Variants in TDRD12 observed in about 807,000 individuals in gnomAD.
TDRD12 encodes tudor domain containing 12.
Under a neutral mutation model 133.5 loss-of-function variants are expected in TDRD12, and 158 were observed. That is an observed-to-expected ratio of 1.18 (90% CI 1.04 to 1.35). The LOEUF (loss-of-function observed/expected upper bound fraction) is 1.35. TDRD12 is among the 40% of genes most tolerant of loss of function. The probability of loss-of-function intolerance (pLI) is 0.00; values close to 1 mark genes in which losing one functional copy is unlikely to be tolerated. For synonymous variants in TDRD12, 460 were observed against 477.9 expected, an observed-to-expected ratio of 0.96 and a Z score of 0.49; for missense variants, 1,443 against 1,321.3, an observed-to-expected ratio of 1.09 and a Z score of -1.43.
chr19:32,766,302 T>A (rs1362498692), intron 8 of TDRD12, among the ~76,000 whole-genome samples: 1 of 152,186 alleles, frequency 6.6e-6, no homozygotes, highest in East Asian at 1.9e-4. Flanking sequence ...GATACAGATA[T>A]GCAATGTGAA....
chr19:32,757,756 T>G (rs1290147860), intron 8 of TDRD12, among the ~76,000 whole-genome samples: 1 of 152,188 alleles, frequency 6.6e-6, no homozygotes, highest in Non-Finnish European at 1.5e-5. Flanking sequence ...TGCTGTACTT[T>G]GTTTCCCTTA....
chr19:32,765,237 T>C (rs1263956548), intron 8 of TDRD12, among the ~76,000 whole-genome samples: 3 of 151,994 alleles, frequency 2.0e-5, no homozygotes, highest in East Asian at 1.9e-4. Context: ...AGTCAGGAAA[T>C]AACAGGTGCT....
chr19:32,805,572 G>T (rs985231219), intron 21 of TDRD12, among the ~76,000 whole-genome samples: 1 of 151,908 alleles, frequency 6.6e-6, no homozygotes, highest in Non-Finnish European at 1.5e-5. Flanking sequence ...ACTCTATTCT[G>T]TTACTTTGGC....
chr19:32,773,494 C>A (rs1334171759), exon 10 of TDRD12: 14 of 1,551,660 alleles, frequency 9.0e-6, no homozygotes, highest in Non-Finnish European at 1.2e-5. Context: ...CAAAAAGAGG[C>A]ATAACCATAT....
chr19:32,728,056 G>T (rs1968915825), intron 1 of TDRD12, among the ~76,000 whole-genome samples: 1 of 152,086 alleles, frequency 6.6e-6, no homozygotes, highest in South Asian at 2.1e-4. Context: ...TGGTACCCTT[G>T]TCAAAAATCA....
Position 32,794,113 on chromosome 19 carries a change from T to A in TDRD12, c.1288-515T>A, listed in dbSNP as rs936912800. Among the ~76,000 whole-genome samples the A allele has an allele frequency of 1.1e-4, 14 of 129,398 alleles. 1 individual carries two copies. The highest frequency in any genetic ancestry group is 1.6e-4 in the Admixed American group (2 of 12,854). 84.9% of individuals were successfully genotyped at this position (129,398 alleles called of 152,430 possible). On this transcript the variant is annotated intron_variant, in intron 13 of 27. Coordinates refer to ENST00000444215, the Ensembl canonical transcript of TDRD12. ...CTGGCTTTTTTTTTTTTTTTTTTTTTTTTTTTTTTTGAGATGGAGTCTCGC... is the reference window on the plus strand; with the variant it reads ...CTGGCTTTTTTTTTTTTTTTTTTTTATTTTTTTTTTGAGATGGAGTCTCGC...
At chr19:32,823,046 C>T (rs1468259529), downstream of TDRD12, among the ~76,000 whole-genome samples, 1 of 152,194 alleles carries the variant, frequency 6.6e-6, no homozygotes, top group Non-Finnish European at 1.5e-5. Flanking sequence ...ATGTTCTGCA[C>T]CTCTGCTGTG....
In TDRD12 at chr19:32,821,162, AT is replaced by A; in HGVS notation, c.3514del (p.Trp1172GlyfsTer2). On this transcript the variant is annotated frameshift_variant, in exon 28 of 28. Coordinates refer to ENST00000444215, the Ensembl canonical transcript of TDRD12. LOFTEE classifies it high-confidence loss of function. ...CTGGTGGGTACTTGGTATTCAAAAG[AT>A]GGTTAAGTTCAAATCGTTAATGTCT... 1 of 1,517,848 alleles carries A rather than the reference AT, an allele frequency of 6.6e-7. No individual in the cohort carries two copies. Among genetic ancestry groups the A allele is most frequent in the South Asian group, 1.2e-5 (1 of 82,984 alleles). 94.0% of individuals were successfully genotyped at this position (1,517,848 alleles called of 1,614,324 possible).
At chr19:32,748,514 T>C in exon 5 of TDRD12, 1 of 1,551,720 alleles carries the variant, frequency 6.4e-7, no homozygotes, top group South Asian at 1.2e-5. Context: ...ATTCAGTACT[T>C]TCAGAACCTT....
intron 2 of TDRD12, among the ~76,000 whole-genome samples, chr19:32,735,943 C>T (rs1310214058): frequency 6.6e-6 from 1 of 152,132 alleles, no homozygotes; most frequent in African/African-American, 2.4e-5. Flanking sequence ...GCACTCCAGC[C>T]TGGGTGACAG....
rs1320248287 is a variant in TDRD12 at position 32,800,152 on chromosome 19, A to G, written c.1759-15A>G. On this transcript the variant is annotated splice_polypyrimidine_tract_variant and intron_variant, in intron 16 of 27. Transcript: ENST00000444215. ...TTTTGAAATAAAAATGAAATTAATT[A>G]TGCTAATTTTTCAGATGTTTGCTAT... 3 of 1,342,424 alleles carry G rather than the reference A, an allele frequency of 2.2e-6. No homozygotes were observed. Among genetic ancestry groups the G allele is most frequent in the Non-Finnish European group, 2.0e-6 (2 of 991,934 alleles). 83.2% of individuals were successfully genotyped at this position (1,342,424 alleles called of 1,614,324 possible).
Position 32,773,340 on chromosome 19 carries a change from A to G in TDRD12, c.964-116A>G, listed in dbSNP as rs112821917. The stretch of plus-strand genomic sequence containing the variant: ...TCTCTCTATCTCTGTGTGTGCATGA[A>G]AGATGTCTGGGATGGTTGTTCATGA... On this transcript the variant is annotated intron_variant, in intron 9 of 27. Coordinates refer to ENST00000444215, the Ensembl canonical transcript of TDRD12. The G allele has an allele frequency of 6.0e-5, 54 of 894,228 alleles. 1 individual carries two copies. In the African/African-American group the frequency reaches 7.0e-4, roughly 12 times the overall value. The allele number at this position is 894,228 out of a possible 1,614,324, so 55.4% of individuals were successfully genotyped here.
intron 23 of TDRD12, 78 bp from the exon 24 acceptor site, chr19:32,811,132 T>C: frequency 8.6e-7 from 1 of 1,161,956 alleles, no homozygotes; most frequent in Non-Finnish European, 1.2e-6. Context: ...TTATATGTTT[T>C]CCATTTCATG....
chr19:32,756,041 C>A lies in TDRD12; in HGVS notation c.632C>A (p.Ser211Ter). The change falls in exon 7 of 28, where the codon TCA becomes TAA. Residue 211 changes from serine to a stop codon, truncating the protein, a stop_gained. Transcript: ENST00000444215. LOFTEE classifies it high-confidence loss of function. ...GCAAAGAACTATGCTTGTTATATGT[C>A]ACCTACAAAGAATAAAAACCTTGAT... 1 of 1,476,276 alleles carries A rather than the reference C, an allele frequency of 6.8e-7. No individual in the cohort carries two copies. The highest frequency in any genetic ancestry group is 1.4e-5 in the South Asian group (1 of 70,192). 91.4% of individuals were successfully genotyped at this position (1,476,276 alleles called of 1,614,324 possible).
exon 16 of TDRD12, chr19:32,798,421 G>A: frequency 6.5e-7 from 1 of 1,535,214 alleles, no homozygotes. Flanking sequence ...GCTATTCTTG[G>A]AAGCCAATGA....
chr19:32,812,354 C>T (rs1196888535), intron 24 of TDRD12, among the ~76,000 whole-genome samples: 1 of 152,144 alleles, frequency 6.6e-6, no homozygotes, highest in Non-Finnish European at 1.5e-5. Context: ...TCCAGTTCTC[C>T]AAGGAAAGGT....
intron 9 of TDRD12, chr19:32,826,706 T>G (rs1967603079): frequency 9.7e-6 from 12 of 1,232,318 alleles, no homozygotes; most frequent in Non-Finnish European, 1.1e-5. Context: ...CTTTTGATTT[T>G]GATCACTGGG....
chr19:32,778,126 G>C (rs1039428268), intron 11 of TDRD12, among the ~76,000 whole-genome samples: 7 of 151,872 alleles, frequency 4.6e-5, no homozygotes, highest in Non-Finnish European at 8.8e-5. Context: ...GAGGTGGGGA[G>C]GTCCTGCTGT....
chr19:32,780,087 T>TC (rs1004166511), intron 11 of TDRD12, among the ~76,000 whole-genome samples: 1 of 141,562 alleles, frequency 7.1e-6, no homozygotes, highest in African/African-American at 2.9e-5. Flanking sequence ...TTCTTTTCTT[T>TC]TTTTTTTTTT....
Sources: allele counts gnomAD v4.1 joint callset (sites outside exome capture counted in the v4.1 genomes callset), GRCh38; gene constraint gnomAD v4.1.1; transcripts MANE v1.5; gene names NCBI Gene and HGNC (gene_info 2026-07-23, HGNC 2026-07-21).